Variants in TIAM1 observed in about 807,000 individuals in gnomAD.
TIAM1 encodes the protein TIAM Rac1 associated GEF 1.
A neutral mutation model predicts 163.5 loss-of-function variants in TIAM1; 65 were observed. That is an observed-to-expected ratio of 0.40 (90% CI 0.33 to 0.49). The LOEUF is 0.49. TIAM1 is among the 20% of genes least tolerant of loss of function. TIAM1 has a pLI of 0.77. For synonymous variants in TIAM1, 833 were observed against 810.1 expected (o/e 1.03, Z -0.48); for missense variants, 1,789 against 2,044.7 (o/e 0.87, Z 2.41).
At chr21:31,305,870 G>A (rs902644960) in intron 2 of TIAM1, among the ~76,000 whole-genome samples, 5 of 151,594 alleles carry the variant, frequency 3.3e-5, no homozygotes, top group South Asian at 2.1e-4. Context: ...TTTTAAAAAC[G>A]TGGTGACTGG....
chr21:31,293,171 GT>G (rs759421627), intron 2 of TIAM1, among the ~76,000 whole-genome samples: 3 of 152,094 alleles, frequency 2.0e-5, no homozygotes, highest in Non-Finnish European at 4.4e-5. Context: ...GGGCTGCCAA[GT>G]TTGAAATCTG....
At chr21:31,228,257 A>ATAATCTGAT (rs2088175567) in intron 6 of TIAM1, among the ~76,000 whole-genome samples, 2 of 123,232 alleles carry the variant, frequency 1.6e-5, no homozygotes, top group African/African-American at 3.6e-5. Flanking sequence ...AAAAAAAAAA[A>ATAATCTGAT]AAGGAAGGAA....
At chr21:31,279,238 G>A (rs1031431199) in intron 2 of TIAM1, among the ~76,000 whole-genome samples, 23 of 152,292 alleles carry the variant, frequency 1.5e-4, no homozygotes, top group African/African-American at 4.6e-4. Flanking sequence ...TCTGACTTTC[G>A]TGGGGAAAAA....
intron 6 of TIAM1, among the ~76,000 whole-genome samples, chr21:31,245,015 G>A (rs972207377): frequency 2.0e-5 from 3 of 152,124 alleles, no homozygotes; most frequent in Non-Finnish European, 4.4e-5. Context: ...CTGATCAGAT[G>A]AGGAAGAGAA....
At chr21:31,379,059 T>A (rs966786160) in intron 2 of TIAM1, among the ~76,000 whole-genome samples, 1 of 152,146 alleles carries the variant, frequency 6.6e-6, no homozygotes, top group Non-Finnish European at 1.5e-5. Flanking sequence ...GCAACCTCCA[T>A]TGCCCGGGTT....
intron 19 of TIAM1, among the ~76,000 whole-genome samples, chr21:31,147,439 A>C (rs1326659296): frequency 6.6e-6 from 1 of 151,804 alleles, no homozygotes; most frequent in Non-Finnish European, 1.5e-5. Context: ...CACTATCTTC[A>C]TGCCTTCCAA....
At chr21:31,460,146 G>C (rs556181581) in intron 2 of TIAM1, among the ~76,000 whole-genome samples, 1 of 152,304 alleles carries the variant, frequency 6.6e-6, no homozygotes, top group South Asian at 2.1e-4. Flanking sequence ...GAGACCTGAA[G>C]CTGAAGCCAC....
intron 2 of TIAM1, among the ~76,000 whole-genome samples, chr21:31,408,214 G>A (rs2077283078): frequency 1.3e-5 from 2 of 152,098 alleles, no homozygotes; most frequent in Non-Finnish European, 2.9e-5. Context: ...TCCTTCTTTT[G>A]TTTATATTTT....
chr21:31,525,347 G>T (rs1276083160), intron 1 of TIAM1, among the ~76,000 whole-genome samples: 1 of 148,262 alleles, frequency 6.7e-6, no homozygotes, highest in Admixed American at 6.8e-5. Flanking sequence ...CAACCTGGGC[G>T]ACAGAGCCAG....
chr21:31,282,572 T>G (rs562052512), intron 2 of TIAM1, among the ~76,000 whole-genome samples: 2 of 152,302 alleles, frequency 1.3e-5, no homozygotes, highest in Non-Finnish European at 2.9e-5. Flanking sequence ...AAAGCCACTG[T>G]TTTCACCAAG....
intron 2 of TIAM1, among the ~76,000 whole-genome samples, chr21:31,430,268 A>G (rs1316480064): frequency 2.0e-5 from 3 of 147,278 alleles, no homozygotes; most frequent in African/African-American, 7.5e-5. Flanking sequence ...ACACACACAC[A>G]CACACATATA....
intron 2 of TIAM1, among the ~76,000 whole-genome samples, chr21:31,325,731 T>C (rs1056449647): frequency 6.6e-6 from 1 of 151,824 alleles, no homozygotes; most frequent in Admixed American, 6.6e-5. Context: ...ATATTCATCA[T>C]GTATCTGGGG....
At chr21:31,358,054 A>G (rs1273139283) in intron 2 of TIAM1, among the ~76,000 whole-genome samples, 1 of 152,156 alleles carries the variant, frequency 6.6e-6, no homozygotes, top group Non-Finnish European at 1.5e-5. Flanking sequence ...TCTTAACCCA[A>G]AGAAAGACTT....
At chr21:31,192,341 G>A (rs1290905701) in intron 13 of TIAM1, among the ~76,000 whole-genome samples, 2 of 152,200 alleles carry the variant, frequency 1.3e-5, no homozygotes, top group African/African-American at 2.4e-5. Flanking sequence ...ACCTGGGCCA[G>A]GCACAGTGGC....
chr21:31,160,496 C>G, intron 16 of TIAM1: 1 of 398,670 alleles, frequency 2.5e-6, no homozygotes, highest in Non-Finnish European at 4.4e-6. Flanking sequence ...TGTTTTCAAT[C>G]CTGGGCTTGC....
At chr21:31,355,528 A>ATTATTTATTTATTTATTTAT (rs56133305) in intron 2 of TIAM1, among the ~76,000 whole-genome samples, 3 of 144,756 alleles carry the variant, frequency 2.1e-5, no homozygotes, top group African/African-American at 7.6e-5. Context: ...TCTCTCCTTT[A>ATTATTTATTTATTTATTTAT]TTATTTATTT....
At chr21:31,277,760 A>C (rs2073364333) in intron 2 of TIAM1, among the ~76,000 whole-genome samples, 1 of 152,112 alleles carries the variant, frequency 6.6e-6, no homozygotes, top group Non-Finnish European at 1.5e-5. Flanking sequence ...ACTTGCTTTC[A>C]CTTTATAGAC....
chr21:31,198,717 A>G (rs1342023687), intron 12 of TIAM1, among the ~76,000 whole-genome samples: 4 of 152,230 alleles, frequency 2.6e-5, no homozygotes, highest in Non-Finnish European at 5.9e-5. Context: ...TCATTTCCAC[A>G]GGATCTAGTG....
intron 4 of TIAM1, among the ~76,000 whole-genome samples, chr21:31,252,610 C>G (rs2071873862): frequency 6.6e-6 from 1 of 152,118 alleles, no homozygotes; most frequent in Non-Finnish European, 1.5e-5. Context: ...GTTAATTGTT[C>G]CAGACGTAGG....
Sources: allele counts gnomAD v4.1 joint callset (sites outside exome capture counted in the v4.1 genomes callset), GRCh38; gene constraint gnomAD v4.1.1; transcripts MANE v1.5; gene names NCBI Gene and HGNC (gene_info 2026-07-23, HGNC 2026-07-21).